The following DOCK3 variants were observed in gnomAD, a reference collection of about 807,000 sequenced individuals.
DOCK3 encodes dedicator of cytokinesis protein 3.
In DOCK3, 60 loss-of-function variants were observed where a neutral mutation model predicts 265.6. The observed-to-expected ratio is 0.23, with a 90% CI of 0.18 to 0.28. The LOEUF is 0.28. DOCK3 is among the 10% of genes least tolerant of loss of function. The pLI is 1.00. For synonymous variants in DOCK3, 881 were observed against 938.0 expected (o/e 0.94, Z 1.11); for missense variants, 1,981 against 2,594.3 (o/e 0.76, Z 5.14).
chr3:51,194,865 A>G (rs1455193676), intron 12 of DOCK3, among the ~76,000 whole-genome samples: 8 of 133,502 alleles, frequency 6.0e-5, no homozygotes, highest in Non-Finnish European at 1.2e-4. Context: ...TCGCTCTGTC[A>G]CCAGGCTGCA....
At chr3:50,709,374 G>A (rs2036612039) in intron 1 of DOCK3, among the ~76,000 whole-genome samples, 1 of 151,846 alleles carries the variant, frequency 6.6e-6, no homozygotes, top group African/African-American at 2.4e-5. Flanking sequence ...TTCCAATCTG[G>A]CTGCCTTTTT....
intron 24 of DOCK3, 119 bp downstream of exon 24, chr3:51,271,126 G>T: frequency 8.4e-7 from 1 of 1,194,144 alleles, no homozygotes; most frequent in Non-Finnish European, 1.2e-6. Context: ...CAAGAAACCA[G>T]TAACCCTTAA....
At chr3:51,084,048 GATGAA>G (rs1347199880) in intron 7 of DOCK3, among the ~76,000 whole-genome samples, 3 of 151,942 alleles carry the variant, frequency 2.0e-5, no homozygotes, top group African/African-American at 7.3e-5. Context: ...ACATCAATCA[GATGAA>G]AAGAAAAAAG....
intron 9 of DOCK3, among the ~76,000 whole-genome samples, chr3:51,140,328 G>A (rs777489206): frequency 9.9e-5 from 15 of 152,168 alleles, no homozygotes; most frequent in Admixed American, 4.6e-4. Context: ...TATTGTAGAC[G>A]TATCATAAAA....
intron 21 of DOCK3, among the ~76,000 whole-genome samples, chr3:51,237,898 C>A (rs1198369490): frequency 6.6e-6 from 1 of 151,764 alleles, no homozygotes; most frequent in African/African-American, 2.4e-5. Context: ...CCCCATTCTC[C>A]CCTCCCCTAT....
intron 12 of DOCK3, among the ~76,000 whole-genome samples, chr3:51,201,561 A>G (rs2088776646): frequency 6.6e-6 from 1 of 152,180 alleles, no homozygotes; most frequent in Non-Finnish European, 1.5e-5. Context: ...AGACTCCCAC[A>G]CATTAATAAT....
chr3:50,825,975 C>T (rs1159724216), intron 2 of DOCK3, among the ~76,000 whole-genome samples: 1 of 150,220 alleles, frequency 6.7e-6, no homozygotes, highest in East Asian at 1.9e-4. Flanking sequence ...TTTTTAATCA[C>T]AGTGGCAGAC....
intron 22 of DOCK3, among the ~76,000 whole-genome samples, chr3:51,256,210 C>T (rs1474987600): frequency 6.6e-6 from 1 of 152,198 alleles, no homozygotes; most frequent in Non-Finnish European, 1.5e-5. Context: ...TCTTCTGCAT[C>T]GCTCACGCTG....
chr3:50,889,135 C>T (rs1024481669), intron 3 of DOCK3, among the ~76,000 whole-genome samples: 4 of 148,246 alleles, frequency 2.7e-5, no homozygotes, highest in Admixed American at 6.8e-5. Context: ...CTTGCTCTGT[C>T]ATATAGGCTG....
chr3:50,776,419 GT>G (rs1322696419), intron 1 of DOCK3, among the ~76,000 whole-genome samples: 2 of 150,952 alleles, frequency 1.3e-5, no homozygotes, highest in African/African-American at 4.9e-5. Flanking sequence ...CCTTTTTCCA[GT>G]TTTTTATGTG....
At chr3:51,365,390 A>C (rs949597996) in intron 49 of DOCK3, among the ~76,000 whole-genome samples, 2 of 152,226 alleles carry the variant, frequency 1.3e-5, no homozygotes, top group African/African-American at 4.8e-5. Flanking sequence ...TTTTGGGCTG[A>C]GACAGTGGGG....
At chr3:50,935,316 A>C (rs2051296005) in intron 5 of DOCK3, among the ~76,000 whole-genome samples, 1 of 152,206 alleles carries the variant, frequency 6.6e-6, no homozygotes, top group Non-Finnish European at 1.5e-5. Flanking sequence ...TTATACATAC[A>C]TCCTCCCCCT....
chr3:50,795,542 C>G (rs1185269976), intron 2 of DOCK3, among the ~76,000 whole-genome samples: 1 of 152,070 alleles, frequency 6.6e-6, no homozygotes, highest in African/African-American at 2.4e-5. Flanking sequence ...CCACCACACC[C>G]AGCTAATTTT....
Position 51,024,699 on chromosome 3 carries a change from T to C in DOCK3, c.316-39749T>C, listed in dbSNP as rs528424453. Among the ~76,000 whole-genome samples the C allele has an allele frequency of 3.9e-5, 6 of 152,364 alleles. No homozygotes were observed. In the East Asian group the frequency reaches 1.2e-3, roughly 29 times the overall value. On this transcript the variant is annotated intron_variant, in intron 5 of 52. Coordinates refer to ENST00000266037, the MANE Select transcript of DOCK3 (RefSeq NM_004947.5). ...TCTGCCTTTTGTGCAAGCCTGCATCTGGGCAGTGCTCCTCCTGTGGGGCTG... is the reference window on the plus strand; with the variant it reads ...TCTGCCTTTTGTGCAAGCCTGCATCCGGGCAGTGCTCCTCCTGTGGGGCTG...
intron 5 of DOCK3, among the ~76,000 whole-genome samples, chr3:51,004,774 T>G (rs9839729): frequency 1 from 145,280 of 145,284 alleles, 72,638 homozygotes; most frequent in Middle Eastern, 1. Context: ...GGTCAGACTG[T>G]AAATGTAGAA....
At chr3:50,737,316 C>G (rs990466410) in intron 1 of DOCK3, among the ~76,000 whole-genome samples, 3 of 152,144 alleles carry the variant, frequency 2.0e-5, no homozygotes. Flanking sequence ...ATGGCAGGAG[C>G]AGGACCAAGA....
intron 4 of DOCK3, among the ~76,000 whole-genome samples, chr3:50,927,954 C>T (rs1167424473): frequency 6.6e-6 from 1 of 152,080 alleles, no homozygotes; most frequent in Non-Finnish European, 1.5e-5. Flanking sequence ...CTCCCATGTA[C>T]TCTTAAGTAC....
intron 4 of DOCK3, among the ~76,000 whole-genome samples, chr3:50,896,823 G>T (rs2048915803): frequency 6.6e-6 from 1 of 152,030 alleles, no homozygotes. Flanking sequence ...TATTTCTGAG[G>T]CCTCTGTTCT....
chr3:51,173,941 C>T (rs2086811221), intron 12 of DOCK3, among the ~76,000 whole-genome samples: 1 of 152,048 alleles, frequency 6.6e-6, no homozygotes. Flanking sequence ...TATTTGTTAT[C>T]TTCATAGTGC....
Sources: gnomAD v4.1 joint callset for allele counts (sites outside exome capture counted in the v4.1 genomes callset) on GRCh38, gnomAD v4.1.1 for gene constraint, MANE v1.5 for transcripts, NCBI Gene and HGNC (gene_info 2026-07-23, HGNC 2026-07-21) for gene names.